Variants in FMNL2 observed in about 807,000 individuals in gnomAD.
FMNL2 encodes formin-like protein 2.
A neutral mutation model predicts 130.2 loss-of-function variants in FMNL2; 51 were observed. That is an observed-to-expected ratio of 0.39 (90% CI 0.31 to 0.49). The LOEUF (loss-of-function observed/expected upper bound fraction) is 0.49, where lower values mean the gene tolerates loss of function less well. FMNL2 is among the 20% of genes least tolerant of loss of function. The pLI is 0.85. For synonymous variants in FMNL2, 465 were observed against 467.1 expected, an observed-to-expected ratio of 1.00 and a Z score of 0.06; for missense variants, 977 against 1,316.2, an observed-to-expected ratio of 0.74 and a Z score of 3.99.
At chr2:152,439,632 A>G (rs1200724523) in intron 1 of FMNL2, among the ~76,000 whole-genome samples, 1 of 151,888 alleles carries the variant, frequency 6.6e-6, no homozygotes, top group Non-Finnish European at 1.5e-5. Flanking sequence ...ATATCTGTGT[A>G]ATGTGCCTGT....
In FMNL2 at chr2:152,625,510, A is replaced by G. The variant is rs780765757; in HGVS notation, c.1910A>G (p.Asn637Ser). The G allele has an allele frequency of 7.4e-6, 12 of 1,611,974 alleles. No homozygotes were observed. The highest frequency in any genetic ancestry group is 1.6e-4 in the Middle Eastern group (1 of 6,070). ...TTTAACTGGGTTGCTCTGAAGCCCA[A>G]TCAGATCAATGGCACAGTCTTCAAT... is the stretch of plus-strand genomic sequence containing the variant. ...PVFNWVALKP[N>S]QINGTVFNEI... is the part of the protein sequence containing the mutation. Residue 637 changes from asparagine to serine, a missense_variant, in exon 16 of 26, where the codon AAT becomes AGT. Asn to Ser is a conservative substitution (Grantham distance 46). This residue lies in a region of FMNL2 where 689 missense variants were observed against 995.9 expected (regional missense o/e 0.69). Transcript: ENST00000288670.
intron 1 of FMNL2, chr2:152,390,467 G>T: frequency 6.8e-7 from 1 of 1,460,962 alleles, no homozygotes; most frequent in Non-Finnish European, 9.6e-7. Flanking sequence ...ATTCCAAGCT[G>T]TCAGACCTGG....
chr2:152,544,794 G>A (rs534973365), intron 3 of FMNL2, among the ~76,000 whole-genome samples: 24 of 152,268 alleles, frequency 1.6e-4, no homozygotes, highest in Non-Finnish European at 2.2e-4. Flanking sequence ...ACCCCACATG[G>A]AGGAAGATGC....
intron 1 of FMNL2, among the ~76,000 whole-genome samples, chr2:152,439,662 A>G (rs1319564981): frequency 6.6e-6 from 1 of 151,854 alleles, no homozygotes; most frequent in Non-Finnish European, 1.5e-5. Context: ...TCCACGTAAT[A>G]GGGACTCATT....
intron 1 of FMNL2, among the ~76,000 whole-genome samples, chr2:152,443,073 A>G (rs1250498761): frequency 2.6e-5 from 4 of 152,210 alleles, no homozygotes; most frequent in African/African-American, 9.6e-5. Flanking sequence ...GTAAGAAATA[A>G]TGATGGAGAA....
At chr2:152,575,426 A>T (rs1009604477) in intron 7 of FMNL2, among the ~76,000 whole-genome samples, 182 bp downstream of exon 7, 213 of 131,088 alleles carry the variant, frequency 1.6e-3, no homozygotes, top group Middle Eastern at 3.8e-3. Context: ...AAATTTTTTT[A>T]AAAAAGAAGA....
In FMNL2 at chr2:152,403,972, GC is replaced by G. The variant is rs1685845475; in HGVS notation, c.117+68253del. ...AGTCCCAGCTTCTTGGGAGGCTGAG[GC>G]AGGAGAATTGCTTGAACCCAGGAGG... is the stretch of plus-strand genomic sequence containing the variant. On this transcript the variant is annotated intron_variant, in intron 1 of 25. Transcript: ENST00000288670. Among the ~76,000 whole-genome samples the G allele has an allele frequency of 3.3e-5, 5 of 152,308 alleles. No individual in the cohort carries two copies. In the South Asian group the frequency reaches 1.0e-3, roughly 32 times the overall value.
intron 6 of FMNL2, among the ~76,000 whole-genome samples, chr2:152,565,383 C>G (rs1695778674): frequency 6.6e-6 from 1 of 151,976 alleles, no homozygotes; most frequent in Non-Finnish European, 1.5e-5. Flanking sequence ...TGAGCACAGC[C>G]CTATATAAAG....
At chr2:152,451,956 C>T (rs1688672173) in intron 1 of FMNL2, among the ~76,000 whole-genome samples, 1 of 152,118 alleles carries the variant, frequency 6.6e-6, no homozygotes, top group African/African-American at 2.4e-5. Flanking sequence ...TCCCCAAACC[C>T]GAAAGAACCC....
At chr2:152,349,295 G>A (rs1234309038) in intron 1 of FMNL2, among the ~76,000 whole-genome samples, 1 of 152,152 alleles carries the variant, frequency 6.6e-6, no homozygotes, top group Non-Finnish European at 1.5e-5. Context: ...GAATTCTCTC[G>A]AGTTCTGTTA....
At chr2:152,347,734 A>G (rs1009964082) in intron 1 of FMNL2, among the ~76,000 whole-genome samples, 24 of 152,186 alleles carry the variant, frequency 1.6e-4, no homozygotes, top group African/African-American at 5.8e-4. Flanking sequence ...TCAATTTCCC[A>G]TCACAGCCCT....
At chr2:152,561,513 T>A (rs1432285053) in intron 6 of FMNL2, among the ~76,000 whole-genome samples, 1 of 152,022 alleles carries the variant, frequency 6.6e-6, no homozygotes, top group African/African-American at 2.4e-5. Context: ...GTAGTGATAA[T>A]TTTTATTAGT....
At chr2:152,343,943 A>C (rs960427665) in intron 1 of FMNL2, among the ~76,000 whole-genome samples, 31 of 152,162 alleles carry the variant, frequency 2.0e-4, no homozygotes, top group Non-Finnish European at 4.3e-4. Flanking sequence ...ACTTGAGGCC[A>C]GGAGTCCTAG....
Position 152,558,728 on chromosome 2 carries a change from T to TC in FMNL2, c.360-12_360-11insC. 1 of 1,596,696 alleles carries TC rather than the reference T, an allele frequency of 6.3e-7. No homozygotes were observed. Among genetic ancestry groups the TC allele is most frequent in the Non-Finnish European group, 8.5e-7 (1 of 1,175,000 alleles). On this transcript the variant is annotated splice_polypyrimidine_tract_variant and intron_variant, in intron 4 of 25. Coordinates refer to ENST00000288670, the MANE Select transcript of FMNL2 (RefSeq NM_052905.4). ...ATTTCTCCAATGATTTTTTTTTTTT[T>TC]TTCCCCAACAGATGGGTCAGAGAAT...
At chr2:152,393,618 T>G (rs2105936309) in intron 1 of FMNL2, among the ~76,000 whole-genome samples, 1 of 152,374 alleles carries the variant, frequency 6.6e-6, no homozygotes, top group East Asian at 1.9e-4. Context: ...TCTTTCCATT[T>G]GGAAGTGAAA....
At position 152,580,967 on chromosome 2, in the gene FMNL2, T is replaced by A; in HGVS notation, c.794T>A (p.Leu265His). The A allele has an allele frequency of 2.5e-6, 4 of 1,613,504 alleles. No individual in the cohort carries two copies. Among genetic ancestry groups the A allele is most frequent in the Non-Finnish European group, 3.4e-6 (4 of 1,179,772 alleles). ...LNNKNPRTKA[L>H]VLELLAAVCL... is the part of the protein sequence containing the mutation. ...TCTTGTTTTGGCAGAACAAAAGCCC[T>A]TGTCTTAGAACTGTTGGCAGCCGTT... The change falls in exon 9 of 26, where the codon CTT becomes CAT. Residue 265 changes from leucine to histidine, a missense_variant. Coordinates refer to ENST00000288670, the MANE Select transcript of FMNL2 (RefSeq NM_052905.4).
At chr2:152,625,392 T>G in intron 15 of FMNL2, 46 bp from the exon 16 acceptor site, 1 of 1,578,260 alleles carries the variant, frequency 6.3e-7, no homozygotes, top group Non-Finnish European at 8.7e-7. Flanking sequence ...CTGAGGGTCG[T>G]AGGCTTTTGG....
chr2:152,649,680 A>G lies in FMNL2; in HGVS notation c.*1775A>G, dbSNP rs1683911461. 6.6e-6 allele frequency: 1 copy of G among 152,664 alleles called. No homozygotes were observed. Among genetic ancestry groups the G allele is most frequent in the African/African-American group, 2.4e-5 (1 of 41,464 alleles). 9.5% of individuals were successfully genotyped at this position (152,664 alleles called of 1,614,324 possible). On this transcript the variant is annotated 3_prime_UTR_variant, in exon 26 of 26. Coordinates refer to ENST00000288670, the MANE Select transcript of FMNL2 (RefSeq NM_052905.4). Reference sequence around the variant, plus strand: ...ATAATTGCCTATTTATTAATCTACAAATAGACAACGTTGGCATGTTCTTTT... The same window carrying G: ...ATAATTGCCTATTTATTAATCTACAGATAGACAACGTTGGCATGTTCTTTT...
At chr2:152,595,453 T>G (rs1338423640) in intron 9 of FMNL2, among the ~76,000 whole-genome samples, 1 of 152,124 alleles carries the variant, frequency 6.6e-6, no homozygotes, top group Non-Finnish European at 1.5e-5. Flanking sequence ...CCTGAGTAGT[T>G]GGGACTACAG....
Sources: allele counts gnomAD v4.1 joint callset (sites outside exome capture counted in the v4.1 genomes callset), GRCh38; gene constraint gnomAD v4.1.1; regional missense constraint gnomAD v4.1.1; transcripts MANE v1.5; gene names NCBI Gene and HGNC (gene_info 2026-07-23, HGNC 2026-07-21).